Variants in HMGCLL1 observed in about 807,000 individuals in gnomAD.
The protein encoded by HMGCLL1 is 3-hydroxymethyl-3-methylglutaryl-CoA lyase, cytoplasmic.
Under a neutral mutation model 39.1 loss-of-function variants are expected in HMGCLL1, and 36 were observed. That is an observed-to-expected ratio of 0.92 (90% CI 0.71 to 1.22). HMGCLL1 has a LOEUF of 1.22. HMGCLL1 is among the 50% of genes most tolerant of loss of function. The pLI, the probability that HMGCLL1 is intolerant of heterozygous loss-of-function variation, is 0.00. For synonymous variants in HMGCLL1, 149 were observed against 144.0 expected (o/e 1.03, Z -0.25); for missense variants, 451 against 416.5 (o/e 1.08, Z -0.72).
chr6:55,588,876 T>G, the HMGCLL1 span, among the ~76,000 whole-genome samples: 1 of 152,194 alleles, frequency 6.6e-6, no homozygotes. Context: ...AATCTCTGAA[T>G]AGACCAATAA....
At chr6:55,454,062 T>C (rs1764219131) in intron 7 of HMGCLL1, among the ~76,000 whole-genome samples, 1 of 152,244 alleles carries the variant, frequency 6.6e-6, no homozygotes, top group African/African-American at 2.4e-5. Context: ...CATTTATCTT[T>C]CATTAAATAA....
intron 5 of HMGCLL1, among the ~76,000 whole-genome samples, chr6:55,501,867 G>GT (rs1004338223): frequency 6.6e-6 from 1 of 151,802 alleles, no homozygotes; most frequent in Non-Finnish European, 1.5e-5. Context: ...GGACCTGACC[G>GT]TATCTAACTA....
At position 55,498,714 on chromosome 6, in the gene HMGCLL1, T is replaced by C. The variant is rs571224824; in HGVS notation, c.606+522A>G. ...AAATAAACTTCAGTAATCAGGGCCT[T>C]AATGACTATAACCTATTGCTGTAAA... On this transcript the variant is annotated intron_variant, in intron 6 of 8. Transcript: ENST00000274901. Among the ~76,000 whole-genome samples, 5 of 152,244 alleles carry C rather than the reference T, an allele frequency of 3.3e-5. No individual in the cohort carries two copies. The South Asian group carries it at 1.0e-3, about 32-fold the overall frequency.
the HMGCLL1 span, among the ~76,000 whole-genome samples, chr6:55,613,192 A>G: frequency 6.6e-6 from 1 of 152,256 alleles, no homozygotes; most frequent in African/African-American, 2.4e-5. Flanking sequence ...ACATATGAAA[A>G]AAGGTCAACA....
the HMGCLL1 span, among the ~76,000 whole-genome samples, chr6:55,601,294 T>C: frequency 6.6e-6 from 1 of 152,142 alleles, no homozygotes; most frequent in African/African-American, 2.4e-5. Context: ...GGACCAGCTG[T>C]TCAGGAATGA....
intron 7 of HMGCLL1, among the ~76,000 whole-genome samples, chr6:55,489,188 A>G (rs1328712134): frequency 1.3e-5 from 2 of 152,082 alleles, no homozygotes; most frequent in Non-Finnish European, 2.9e-5. Context: ...AATAAACATG[A>G]AAAGAAGTTT....
chr6:55,537,287 G>C (rs893041334), intron 3 of HMGCLL1, among the ~76,000 whole-genome samples: 1 of 152,098 alleles, frequency 6.6e-6, no homozygotes, highest in Admixed American at 6.6e-5. Context: ...TAAATTTCCT[G>C]TCTTGGATTC....
chr6:55,508,360 C>T lies in HMGCLL1; in HGVS notation c.542+5688G>A, dbSNP rs80097539. On this transcript the variant is annotated intron_variant, in intron 5 of 8. Coordinates refer to ENST00000274901, the MANE Select transcript of HMGCLL1 (RefSeq NM_001042406.2). Reference sequence around the variant, plus strand: ...ACATTTTTAAAATAAATTTTTGATTCAATTTTGAATTAATTGAAGAATGCC... The same window carrying T: ...ACATTTTTAAAATAAATTTTTGATTTAATTTTGAATTAATTGAAGAATGCC... Among the ~76,000 whole-genome samples, 363 of 151,790 alleles carry T rather than the reference C, an allele frequency of 2.4e-3. 1 individual carries two copies. The highest frequency in any genetic ancestry group is 8.2e-3 in the African/African-American group (342 of 41,462).
chr6:55,471,997 T>G (rs1278798533), intron 7 of HMGCLL1, among the ~76,000 whole-genome samples: 1 of 151,732 alleles, frequency 6.6e-6, no homozygotes, highest in Admixed American at 6.6e-5. Flanking sequence ...TATGTAGCAG[T>G]TTTTCATTCT....
rs190730644 is a variant in HMGCLL1 at position 55,482,036 on chromosome 6, C to T, written c.795+13383G>A. Among the ~76,000 whole-genome samples the T allele has an allele frequency of 3.3e-5, 5 of 152,206 alleles. No individual in the cohort carries two copies. The East Asian group carries it at 9.7e-4, about 29-fold the overall frequency. ...AAAAAAAACAGTGCTTTTATTTCCA[C>T]TTCTTCATAAAGTAGTCACATCTTC... On this transcript the variant is annotated intron_variant, in intron 7 of 8. Transcript: ENST00000274901.
rs181169247 is a variant in HMGCLL1 at position 55,464,954 on chromosome 6, C to T, written c.796-25395G>A. Among the ~76,000 whole-genome samples, 137 of 152,252 alleles carry T rather than the reference C, an allele frequency of 9.0e-4. 2 individuals are homozygous for T. In the East Asian group the frequency reaches 0.021, roughly 23 times the overall value. On this transcript the variant is annotated intron_variant, in intron 7 of 8. Coordinates refer to ENST00000274901, the MANE Select transcript of HMGCLL1 (RefSeq NM_001042406.2). ...TGATCATCAACTTTCACGAACAAGACGGCTAGGGATTTCACTTGAAAGTTT... is the reference window on the plus strand; with the variant it reads ...TGATCATCAACTTTCACGAACAAGATGGCTAGGGATTTCACTTGAAAGTTT...
chr6:55,488,114 T>C (rs544417647), intron 7 of HMGCLL1, among the ~76,000 whole-genome samples: 1 of 152,248 alleles, frequency 6.6e-6, no homozygotes, highest in African/African-American at 2.4e-5. Flanking sequence ...CAATACAATG[T>C]ATGAAAATAA....
the HMGCLL1 span, among the ~76,000 whole-genome samples, chr6:55,597,705 GCTTAAA>G: frequency 6.6e-6 from 1 of 152,054 alleles, no homozygotes; most frequent in Non-Finnish European, 1.5e-5. Flanking sequence ...AAAGCTAAGG[GCTTAAA>G]GTTCCAAGTA....
At chr6:55,554,708 C>G (rs763897440) in intron 1 of HMGCLL1, among the ~76,000 whole-genome samples, 1 of 151,928 alleles carries the variant, frequency 6.6e-6, no homozygotes. Flanking sequence ...TACACAGGAC[C>G]CCTTTAGGCA....
chr6:55,474,174 C>T (rs774038058), intron 7 of HMGCLL1, among the ~76,000 whole-genome samples: 4 of 151,490 alleles, frequency 2.6e-5, no homozygotes, highest in Non-Finnish European at 5.9e-5. Flanking sequence ...AAGCTGTCAA[C>T]GATTATTGCT....
intron 7 of HMGCLL1, among the ~76,000 whole-genome samples, chr6:55,488,645 C>T (rs1045471569): frequency 6.6e-6 from 1 of 151,874 alleles, no homozygotes; most frequent in African/African-American, 2.4e-5. Flanking sequence ...GGAAAAAAAA[C>T]TGTCACTTCT....
intron 1 of HMGCLL1, among the ~76,000 whole-genome samples, chr6:55,553,456 G>C (rs1372891955): frequency 1.3e-5 from 2 of 151,662 alleles, no homozygotes; most frequent in East Asian, 2.0e-4. Flanking sequence ...AAAAAATGAT[G>C]GTATAGTAGG....
the HMGCLL1 span, among the ~76,000 whole-genome samples, chr6:55,641,020 A>G: frequency 6.6e-6 from 1 of 151,858 alleles, no homozygotes; most frequent in Non-Finnish European, 1.5e-5. Context: ...AAATCAAAAT[A>G]TAAAGCCATT....
intron 3 of HMGCLL1, among the ~76,000 whole-genome samples, chr6:55,533,455 C>T (rs1768806731): frequency 6.6e-6 from 1 of 152,124 alleles, no homozygotes; most frequent in African/African-American, 2.4e-5. Context: ...TGCTACTTTT[C>T]ATTTCTAGAG....
Sources: allele counts gnomAD v4.1 joint callset (sites outside exome capture counted in the v4.1 genomes callset), GRCh38; gene constraint gnomAD v4.1.1; transcripts MANE v1.5; gene names NCBI Gene and HGNC (gene_info 2026-07-23, HGNC 2026-07-21).